Variants in STX8 observed in about 807,000 individuals in gnomAD.
STX8 encodes the protein syntaxin-8.
STX8 carries 23 observed loss-of-function variants against 37.5 expected under a neutral mutation model. The observed-to-expected ratio is 0.61, with a 90% CI of 0.44 to 0.87. The LOEUF is 0.87. STX8 is among the 40% of genes least tolerant of loss of function. The probability of loss-of-function intolerance (pLI) is 0.00; values close to 1 mark genes in which losing one functional copy is unlikely to be tolerated. For missense variants in STX8, 313 were observed against 284.7 expected, an observed-to-expected ratio of 1.10 and a Z score of -0.71; for synonymous variants, 115 against 99.1, an observed-to-expected ratio of 1.16 and a Z score of -0.95.
intron 6 of STX8, among the ~76,000 whole-genome samples, chr17:9,431,017 T>C (rs1913946238): frequency 6.6e-6 from 1 of 150,624 alleles, no homozygotes; most frequent in Non-Finnish European, 1.5e-5. Context: ...TTTTTTGTTG[T>C]TGTTGTTTTG....
rs1211582250 is a variant in STX8, at chr17:9,339,607, T to A, written c.643+38945A>T. 2.6e-5 allele frequency among the ~76,000 whole-genome samples: 4 copies of A among 151,944 alleles called. No individual in the cohort carries two copies. In the East Asian group the frequency reaches 7.8e-4, roughly 30 times the overall value. On this transcript the variant is annotated intron_variant, in intron 7 of 7. Coordinates refer to ENST00000306357, the MANE Select transcript of STX8 (RefSeq NM_004853.3). ...AGGTGGAGGTTGCAGTGAGCCGAGA[T>A]CGCGCCACTGCGCCACTGTACTCCA...
At chr17:9,458,803 C>T (rs73263566) in intron 6 of STX8, among the ~76,000 whole-genome samples, 2,350 of 150,768 alleles carry the variant, frequency 0.016, 63 homozygotes, top group African/African-American at 0.054. Context: ...TCTGATCAGG[C>T]GACAGAAATC....
intron 6 of STX8, among the ~76,000 whole-genome samples, chr17:9,438,431 T>C (rs1453304409): frequency 6.6e-6 from 1 of 151,200 alleles, no homozygotes; most frequent in Non-Finnish European, 1.5e-5. Flanking sequence ...ACCTTGGCCC[T>C]CCTGAACCAG....
intron 4 of STX8, among the ~76,000 whole-genome samples, chr17:9,529,246 TTAGAGA>T (rs1905707776): frequency 7.8e-5 from 1 of 12,788 alleles, no homozygotes; most frequent in African/African-American, 1.9e-4. Context: ...GACATAGCTC[TTAGAGA>T]GAGAGAGAGA....
intron 6 of STX8, 117 bp downstream of exon 6, chr17:9,491,712 A>T (rs969456484): frequency 2.0e-5 from 17 of 834,780 alleles, no homozygotes; most frequent in Non-Finnish European, 3.0e-5. Flanking sequence ...AAACTGTAAC[A>T]ATCATTGACA....
intron 6 of STX8, among the ~76,000 whole-genome samples, chr17:9,482,310 T>C (rs1906383671): frequency 6.6e-6 from 1 of 152,176 alleles, no homozygotes; most frequent in Admixed American, 6.5e-5. Flanking sequence ...ACAAGTTAAA[T>C]GAATAAAGAA....
At chr17:9,509,756 A>T (rs1904964066) in intron 4 of STX8, among the ~76,000 whole-genome samples, 1 of 145,050 alleles carries the variant, frequency 6.9e-6, no homozygotes, top group Non-Finnish European at 1.5e-5. Context: ...AAATGACAAG[A>T]TAAGTCCTCA....
intron 6 of STX8, among the ~76,000 whole-genome samples, chr17:9,389,767 T>TAA (rs59708394): frequency 2.0e-5 from 3 of 151,884 alleles, no homozygotes; most frequent in Non-Finnish European, 2.9e-5. Flanking sequence ...AGACAAATGT[T>TAA]AAAAAAAATC....
chr17:9,392,412 A>T (rs957220711), intron 6 of STX8, among the ~76,000 whole-genome samples: 1 of 152,180 alleles, frequency 6.6e-6, no homozygotes, highest in Non-Finnish European at 1.5e-5. Flanking sequence ...GTTCAAGATC[A>T]GTCTGGACAA....
At chr17:9,327,847 CT>C (rs1431291942) in intron 7 of STX8, among the ~76,000 whole-genome samples, 1 of 151,696 alleles carries the variant, frequency 6.6e-6, no homozygotes, top group East Asian at 1.9e-4. Flanking sequence ...GCTAATTTTT[CT>C]CCTTCCTTCC....
chr17:9,512,484 G>T (rs1442200842), intron 4 of STX8, among the ~76,000 whole-genome samples: 1 of 150,410 alleles, frequency 6.6e-6, no homozygotes, highest in Non-Finnish European at 1.5e-5. Context: ...TTTTTTCCGA[G>T]GCAGAGTCTC....
chr17:9,260,082 A>G (rs999905456), intron 7 of STX8, among the ~76,000 whole-genome samples: 1 of 151,956 alleles, frequency 6.6e-6, no homozygotes. Context: ...AAAAAGAATA[A>G]TATTAATAGT....
chr17:9,503,364 A>G (rs1904694416), intron 5 of STX8, among the ~76,000 whole-genome samples: 1 of 152,168 alleles, frequency 6.6e-6, no homozygotes, highest in Non-Finnish European at 1.5e-5. Flanking sequence ...ACTTTTGGGA[A>G]TAACAATTAG....
intron 6 of STX8, among the ~76,000 whole-genome samples, chr17:9,438,493 G>A (rs996809468): frequency 6.6e-6 from 1 of 151,994 alleles, no homozygotes; most frequent in East Asian, 1.9e-4. Context: ...ACTAAGGTTT[G>A]GGAAACACGG....
At chr17:9,386,403 G>A (rs1279313501) in intron 6 of STX8, among the ~76,000 whole-genome samples, 1 of 152,280 alleles carries the variant, frequency 6.6e-6, no homozygotes, top group East Asian at 1.9e-4. Flanking sequence ...ACATCAGAAA[G>A]TGGTTGCCTC....
rs75318304 is a variant in STX8 at position 9,542,057 on chromosome 17, G to A, written c.323+3115C>T. Among the ~76,000 whole-genome samples, 1,196 of 151,078 alleles carry A rather than the reference G, an allele frequency of 7.9e-3. 19 individuals carry two copies. The highest frequency in any genetic ancestry group is 0.028 in the African/African-American group (1,137 of 41,056). ...GGGTGATTCTGATGCAAAGTGCCAC[G>A]ATTAAGAATAAATGACACAGGCCAG... On this transcript the variant is annotated intron_variant, in intron 4 of 7. Transcript: ENST00000306357.
intron 6 of STX8, among the ~76,000 whole-genome samples, chr17:9,410,624 C>A (rs9902096): frequency 0.58 from 88,624 of 152,048 alleles, 27,130 homozygotes; most frequent in African/African-American, 0.76. Flanking sequence ...CTTGATCTTT[C>A]AAATGTTCAA....
chr17:9,550,753 T>C (rs1282308869), intron 3 of STX8, among the ~76,000 whole-genome samples: 1 of 152,168 alleles, frequency 6.6e-6, no homozygotes, highest in Non-Finnish European at 1.5e-5. Flanking sequence ...CTCCAGCTCC[T>C]GGATTTTCTC....
At chr17:9,349,244 G>A (rs1411328747) in intron 7 of STX8, among the ~76,000 whole-genome samples, 2 of 151,668 alleles carry the variant, frequency 1.3e-5, no homozygotes, top group East Asian at 1.9e-4. Flanking sequence ...TGCCTACCTC[G>A]GCCTGCTAAA....
Sources: allele counts gnomAD v4.1 joint callset (sites outside exome capture counted in the v4.1 genomes callset), GRCh38; gene constraint gnomAD v4.1.1; transcripts MANE v1.5; gene names NCBI Gene and HGNC (gene_info 2026-07-23, HGNC 2026-07-21).